Variants in TRIM22 observed in about 807,000 individuals in gnomAD.
TRIM22 encodes E3 ubiquitin-protein ligase TRIM22.
TRIM22 carries 45 observed loss-of-function variants against 53.6 expected under a neutral mutation model. That is an observed-to-expected ratio of 0.84 (90% CI 0.66 to 1.08). The LOEUF (loss-of-function observed/expected upper bound fraction) is 1.08. TRIM22 is among the 50% of genes least tolerant of loss of function. The probability of loss-of-function intolerance (pLI) is 0.00; values close to 1 mark genes in which losing one functional copy is unlikely to be tolerated. For synonymous variants in TRIM22, 225 were observed against 216.6 expected (o/e 1.04, Z -0.34); for missense variants, 616 against 590.9 (o/e 1.04, Z -0.44).
Position 5,710,106 on chromosome 11 carries a change from T to C in TRIM22, c.*458T>C, listed in dbSNP as rs1368002155. 6.5e-6 allele frequency: 1 copy of C among 154,286 alleles called. No homozygotes were observed. The highest frequency in any genetic ancestry group is 1.4e-5 in the Non-Finnish European group (1 of 69,544). The allele number at this position is 154,286 out of a possible 1,614,324, so 9.6% of individuals were successfully genotyped here. A position where few individuals can be genotyped will look rare whatever the true frequency, so the allele number is the denominator to read the frequency against. On this transcript the variant is annotated 3_prime_UTR_variant, in exon 8 of 8. Coordinates refer to ENST00000379965, the MANE Select transcript of TRIM22 (RefSeq NM_006074.5). ...CATTATATTCTCTACAAAGACCTTA[T>C]TTCCAAATAAGATAATATTTGGAGG...
intron 4 of TRIM22, among the ~76,000 whole-genome samples, chr11:5,699,021 T>C (rs1853318963): frequency 6.6e-6 from 1 of 152,242 alleles, no homozygotes; most frequent in East Asian, 1.9e-4. Flanking sequence ...TTGAGGTTTA[T>C]TTATATTGCA....
chr11:5,700,793 T>C (rs975090280), intron 4 of TRIM22, among the ~76,000 whole-genome samples: 2 of 151,798 alleles, frequency 1.3e-5, no homozygotes, highest in African/African-American at 2.4e-5. Flanking sequence ...CCAGCTAATT[T>C]TTGTATTTTT....
chr11:5,708,127 G>A, intron 5 of TRIM22, 46 bp from the exon 6 acceptor site: 1 of 1,463,870 alleles, frequency 6.8e-7, no homozygotes, highest in Non-Finnish European at 9.6e-7. Context: ...TGGATGGAGA[G>A]AAATAGGGCA....
intron 1 of TRIM22, among the ~76,000 whole-genome samples, chr11:5,692,224 T>G (rs1466733982): frequency 1.3e-5 from 2 of 152,218 alleles, no homozygotes; most frequent in Non-Finnish European, 2.9e-5. Context: ...CTAAAAGGGC[T>G]GCAATAGGAT....
At position 5,706,519 on chromosome 11, in the gene TRIM22, C is replaced by A. The variant is rs1234759771; in HGVS notation, c.751-75C>A. On this transcript the variant is annotated intron_variant, in intron 4 of 7. Coordinates refer to ENST00000379965, the MANE Select transcript of TRIM22 (RefSeq NM_006074.5). Reference sequence around the variant, plus strand: ...AAAAATATATTGTTTATCCCAAATTCTAATTGAACTAGCCACTTTTATGTT... The same window carrying A: ...AAAAATATATTGTTTATCCCAAATTATAATTGAACTAGCCACTTTTATGTT... 5 of 1,432,812 alleles carry A rather than the reference C, an allele frequency of 3.5e-6. No homozygotes were observed. In the East Asian group the frequency reaches 6.9e-5, roughly 20 times the overall value. 88.8% of individuals were successfully genotyped at this position (1,432,812 alleles called of 1,614,324 possible).
chr11:5,705,593 G>A (rs1853445778), intron 4 of TRIM22, among the ~76,000 whole-genome samples: 1 of 149,124 alleles, frequency 6.7e-6, no homozygotes, highest in Admixed American at 6.7e-5. Context: ...TGGTATAAAG[G>A]GGGTCAGATC....
At chr11:5,701,384 T>A (rs557111929) in intron 4 of TRIM22, among the ~76,000 whole-genome samples, 1,885 of 152,356 alleles carry the variant, frequency 0.012, 44 homozygotes, top group African/African-American at 0.043. Flanking sequence ...TACAGCTGTC[T>A]GTTACTGATT....
chr11:5,692,732 G>C lies in TRIM22; in HGVS notation c.-67+2833G>C, dbSNP rs143626597. Among the ~76,000 whole-genome samples the C allele has an allele frequency of 2.7e-5, 4 of 150,388 alleles. No individual in the cohort carries two copies. The Admixed American group carries it at 2.7e-4, about 10-fold the overall frequency. ...CCCAGCACTTTGGGAAGCCAAGACT[G>C]GAGGACTGCTTGAGTTGAGGAGTTT... is the stretch of plus-strand genomic sequence containing the variant. On this transcript the variant is annotated intron_variant, in intron 1 of 7. Transcript: ENST00000379965.
At chr11:5,690,745 C>T (rs1336509918) in intron 1 of TRIM22, among the ~76,000 whole-genome samples, 1 of 152,154 alleles carries the variant, frequency 6.6e-6, no homozygotes, top group Non-Finnish European at 1.5e-5. Flanking sequence ...TTCTTTTATT[C>T]AGAGGCAGCA....
At chr11:5,691,352 T>C (rs979168457) in intron 1 of TRIM22, among the ~76,000 whole-genome samples, 2 of 152,110 alleles carry the variant, frequency 1.3e-5, no homozygotes, top group Admixed American at 6.5e-5. Context: ...GGGGGCTGCA[T>C]ACACCGGTAA....
At chr11:5,704,310 T>G (rs1423464912) in intron 4 of TRIM22, among the ~76,000 whole-genome samples, 3 of 152,178 alleles carry the variant, frequency 2.0e-5, no homozygotes, top group Non-Finnish European at 4.4e-5. Flanking sequence ...ACCTTAGTGG[T>G]GAAACCACAC....
Position 5,701,930 on chromosome 11 carries a change from C to T in TRIM22, c.750+3385C>T, listed in dbSNP as rs755585122. Among the ~76,000 whole-genome samples the T allele has an allele frequency of 2.2e-4, 34 of 151,900 alleles. No homozygotes were observed. The Middle Eastern group carries it at 0.01, about 46-fold the overall frequency. ...CCATTTTTCACTGTTTTCTATTGAC[C>T]GTACTTGCTCTTTGCTTTTTTTTCC... On this transcript the variant is annotated intron_variant, in intron 4 of 7. Coordinates refer to ENST00000379965, the MANE Select transcript of TRIM22 (RefSeq NM_006074.5).
chr11:5,699,903 T>C (rs2134177440), intron 4 of TRIM22, among the ~76,000 whole-genome samples: 1 of 152,114 alleles, frequency 6.6e-6, no homozygotes, highest in South Asian at 2.1e-4. Flanking sequence ...ATTGTAATTT[T>C]TTTTTTATTT....
chr11:5,695,287 G>T (rs143744135), intron 1 of TRIM22, among the ~76,000 whole-genome samples: 4 of 152,180 alleles, frequency 2.6e-5, no homozygotes, highest in African/African-American at 9.7e-5. Context: ...TTAAATGTAA[G>T]AGTGAGTCTT....
chr11:5,694,652 T>C (rs964261396), intron 1 of TRIM22, among the ~76,000 whole-genome samples: 3 of 152,262 alleles, frequency 2.0e-5, no homozygotes, highest in Non-Finnish European at 4.4e-5. Flanking sequence ...CACTTGATTC[T>C]ATTGACACAC....
At position 5,690,776 on chromosome 11, in the gene TRIM22, C is replaced by T. The variant is rs117002722; in HGVS notation, c.-67+877C>T. Among the ~76,000 whole-genome samples the T allele has an allele frequency of 6.6e-3, 1,012 of 152,254 alleles. 7 individuals are homozygous for T. Among genetic ancestry groups the T allele is most frequent in the Middle Eastern group, 0.014 (4 of 292 alleles). On this transcript the variant is annotated intron_variant, in intron 1 of 7. Coordinates refer to ENST00000379965, the MANE Select transcript of TRIM22 (RefSeq NM_006074.5). ...CAGCAAATTCCTTCCTCCTTTCTCCCGAAGAAGCCTGTGCAATGAAGCTTT... is the reference window on the plus strand; with the variant it reads ...CAGCAAATTCCTTCCTCCTTTCTCCTGAAGAAGCCTGTGCAATGAAGCTTT...
intron 1 of TRIM22, among the ~76,000 whole-genome samples, chr11:5,692,380 A>T (rs1231141491): frequency 6.6e-6 from 1 of 152,244 alleles, no homozygotes; most frequent in Non-Finnish European, 1.5e-5. Context: ...GAAAGAGATG[A>T]CACTGGGGTA....
chr11:5,700,474 A>G (rs1380798536), intron 4 of TRIM22, among the ~76,000 whole-genome samples: 1 of 151,122 alleles, frequency 6.6e-6, no homozygotes, highest in Non-Finnish European at 1.5e-5. Context: ...TAGGACTTCT[A>G]GTACAATGTT....
intron 7 of TRIM22, 124 bp from the exon 8 acceptor site, chr11:5,708,929 T>C: frequency 1.3e-6 from 1 of 785,320 alleles, no homozygotes; most frequent in Non-Finnish European, 2.0e-6. Flanking sequence ...CCTACTAACC[T>C]CTGACTATCA....
Sources: allele counts gnomAD v4.1 joint callset (sites outside exome capture counted in the v4.1 genomes callset), GRCh38; gene constraint gnomAD v4.1.1; transcripts MANE v1.5; gene names NCBI Gene and HGNC (gene_info 2026-07-23, HGNC 2026-07-21).